Variants in LIFR observed in about 807,000 individuals in gnomAD.
LIFR encodes LIF receptor subunit alpha.
In LIFR, 84 loss-of-function variants were observed where a neutral mutation model predicts 122.2. That is an observed-to-expected ratio of 0.69 (90% CI 0.58 to 0.82). LIFR has a LOEUF of 0.82. Ranked by LOEUF, LIFR falls within the 40% of genes least tolerant of loss-of-function variation. LIFR has a pLI of 0.00. For synonymous variants in LIFR, 422 were observed against 434.7 expected, an observed-to-expected ratio of 0.97 and a Z score of 0.36; for missense variants, 1,294 against 1,311.6, an observed-to-expected ratio of 0.99 and a Z score of 0.21.
chr5:38,510,381 C>T, intron 7 of LIFR, 83 bp downstream of exon 7: 1 of 1,159,722 alleles, frequency 8.6e-7, no homozygotes, highest in Non-Finnish European at 1.2e-6. Flanking sequence ...CTCCTCCCAC[C>T]CCCCCACTCC....
chr5:38,513,197 C>T (rs944984653), intron 5 of LIFR, among the ~76,000 whole-genome samples: 1 of 152,128 alleles, frequency 6.6e-6, no homozygotes, highest in Non-Finnish European at 1.5e-5. Flanking sequence ...AGCAACATCA[C>T]TAAAATCTGG....
intron 1 of LIFR, among the ~76,000 whole-genome samples, chr5:38,547,661 T>C (rs1221256354): frequency 6.6e-6 from 1 of 152,200 alleles, no homozygotes; most frequent in African/African-American, 2.4e-5. Context: ...AATGTAGTTT[T>C]ACACACTGTC....
At position 38,502,815 on chromosome 5, in the gene LIFR, TA is replaced by T; in HGVS notation, c.1438-17del. On this transcript the variant is annotated splice_polypyrimidine_tract_variant and intron_variant, in intron 10 of 19. Coordinates refer to ENST00000453190, the MANE Select transcript of LIFR (RefSeq NM_001127671.2). ...TGACATTCCGCTATTGGAAAACAAA[TA>T]AATATATATATATGTATATATTATG... 7.4e-7 allele frequency: 1 copy of T among 1,343,958 alleles called. No individual in the cohort carries two copies. The highest frequency in any genetic ancestry group is 1.0e-6 in the Non-Finnish European group (1 of 962,322). The allele number at this position is 1,343,958 out of a possible 1,614,324, so 83.3% of individuals were successfully genotyped here. A position where few individuals can be genotyped will look rare whatever the true frequency, so the allele number is the denominator to read the frequency against.
intron 1 of LIFR, among the ~76,000 whole-genome samples, chr5:38,539,244 C>T (rs1325928483): frequency 6.6e-6 from 1 of 152,118 alleles, no homozygotes; most frequent in African/African-American, 2.4e-5. Context: ...CCACCGCGCC[C>T]GGCCTTCCTC....
chr5:38,480,261 T>A lies in LIFR; in HGVS notation c.*1334A>T. On this transcript the variant is annotated 3_prime_UTR_variant, in exon 20 of 20. Transcript: ENST00000453190. ...GGAAAATACAAGATACACTTTTTAGTTTTTCCTTCTGCTTTTCCAAGAACC... is the reference window on the plus strand; with the variant it reads ...GGAAAATACAAGATACACTTTTTAGATTTTCCTTCTGCTTTTCCAAGAACC... The A allele has an allele frequency of 4.4e-6, 1 of 227,262 alleles. No individual in the cohort carries two copies. 14.1% of individuals were successfully genotyped at this position (227,262 alleles called of 1,614,324 possible).
At chr5:38,588,925 ATAAAG>A (rs1749833476) in intron 1 of LIFR, among the ~76,000 whole-genome samples, 1 of 152,198 alleles carries the variant, frequency 6.6e-6, no homozygotes, top group African/African-American at 2.4e-5. Flanking sequence ...ACCCATAAAA[ATAAAG>A]TAGATCCAAT....
chr5:38,594,134 GT>G (rs964730839), intron 1 of LIFR, among the ~76,000 whole-genome samples: 8 of 152,156 alleles, frequency 5.3e-5, no homozygotes, highest in Non-Finnish European at 1.0e-4. Flanking sequence ...CTTTGCGCAT[GT>G]TTTTTTAAAT....
intron 2 of LIFR, among the ~76,000 whole-genome samples, chr5:38,529,783 T>C (rs1459203755): frequency 6.6e-6 from 1 of 152,194 alleles, no homozygotes; most frequent in African/African-American, 2.4e-5. Context: ...CGATATTCAC[T>C]GTAGCAATAA....
At chr5:38,484,156 T>C (rs1325398028) in intron 18 of LIFR, among the ~76,000 whole-genome samples, 2 of 152,228 alleles carry the variant, frequency 1.3e-5, no homozygotes, top group African/African-American at 4.8e-5. Context: ...AGACCAGCCG[T>C]GACGGGCCAT....
chr5:38,608,393 G>A (rs1181255292), upstream of LIFR: 1 of 151,608 alleles, frequency 6.6e-6, no homozygotes, highest in Non-Finnish European at 1.5e-5. Flanking sequence ...CCTGATATGA[G>A]ACCTGGAATG....
intron 1 of LIFR, among the ~76,000 whole-genome samples, chr5:38,561,907 A>T (rs900018976): frequency 4.6e-5 from 7 of 152,200 alleles, no homozygotes; most frequent in African/African-American, 1.7e-4. Context: ...AAGAACATGA[A>T]GTAAGAACAC....
At chr5:38,548,962 G>A (rs180701209) in intron 1 of LIFR, among the ~76,000 whole-genome samples, 1 of 152,110 alleles carries the variant, frequency 6.6e-6, no homozygotes, top group East Asian at 1.9e-4. Flanking sequence ...GTGAGATCAA[G>A]GTAACGTTTA....
intron 17 of LIFR, 52 bp from the exon 18 acceptor site, chr5:38,484,920 C>T (rs1744202067): frequency 8.3e-7 from 1 of 1,211,076 alleles, no homozygotes; most frequent in Non-Finnish European, 1.2e-6. Flanking sequence ...GTGTGAAGTA[C>T]AGAATAGATG....
chr5:38,544,303 C>T (rs10941398), intron 1 of LIFR, among the ~76,000 whole-genome samples: 1 of 151,836 alleles, frequency 6.6e-6, no homozygotes, highest in East Asian at 1.9e-4. Context: ...GTGGATTCTC[C>T]TTATAAGCAC....
In LIFR at chr5:38,564,745, CACA is replaced by C. The variant is rs1561213704; in HGVS notation, c.-20+30513_-20+30515del. Reference sequence around the variant, plus strand: ...TATATACACACACACTACACACACACACACACACACACACACACACACACACAC... The same window carrying C: ...TATATACACACACACTACACACACACCACACACACACACACACACACACAC... On this transcript the variant is annotated intron_variant, in intron 1 of 19. Coordinates refer to the LIFR transcript ENST00000263409. Among the ~76,000 whole-genome samples the C allele has an allele frequency of 6.7e-3, 897 of 134,700 alleles. 4 individuals are homozygous for C. The highest frequency in any genetic ancestry group is 0.024 in the African/African-American group (764 of 31,904). The allele number at this position is 134,700 out of a possible 152,430, so 88.4% of individuals were successfully genotyped here.
In LIFR at chr5:38,578,754, A is replaced by T. The variant is rs544631855; in HGVS notation, c.-20+16507T>A. ...ATATTTTTAGTAGAGACAGGGTTTC[A>T]CCATGTTGGATAGGCTGGTCTCAAA... On this transcript the variant is annotated intron_variant, in intron 1 of 19. Coordinates refer to the LIFR transcript ENST00000263409. Among the ~76,000 whole-genome samples the T allele has an allele frequency of 1.9e-4, 29 of 151,436 alleles. No individual in the cohort carries two copies. The South Asian group carries it at 5.9e-3, about 31-fold the overall frequency.
chr5:38,566,642 G>A (rs1303042438), intron 1 of LIFR, among the ~76,000 whole-genome samples: 1 of 152,134 alleles, frequency 6.6e-6, no homozygotes, highest in African/African-American at 2.4e-5. Flanking sequence ...TTAGTTCATT[G>A]TGGATCCTCA....
chr5:38,566,363 T>C (rs1259693974), intron 1 of LIFR, among the ~76,000 whole-genome samples: 1 of 152,230 alleles, frequency 6.6e-6, no homozygotes, highest in Non-Finnish European at 1.5e-5. Context: ...ATCAATATTT[T>C]CTTCATTTTA....
intron 1 of LIFR, among the ~76,000 whole-genome samples, chr5:38,575,130 TAAC>T (rs1194355563): frequency 3.9e-5 from 6 of 152,330 alleles, no homozygotes; most frequent in East Asian, 1.9e-4. Context: ...GGTCTAAACT[TAAC>T]AACACAGATG....
Sources: gnomAD v4.1 joint callset for allele counts (sites outside exome capture counted in the v4.1 genomes callset) on GRCh38, gnomAD v4.1.1 for gene constraint, MANE v1.5 for transcripts, NCBI Gene and HGNC (gene_info 2026-07-23, HGNC 2026-07-21) for gene names.